The following DPYD variants were observed in gnomAD, a reference collection of about 807,000 sequenced individuals.
DPYD encodes the protein dihydropyrimidine dehydrogenase [NADP(+)].
Under a neutral mutation model 116.2 loss-of-function variants are expected in DPYD, and 109 were observed. That is an observed-to-expected ratio of 0.94 (90% CI 0.80 to 1.10). The LOEUF is 1.10. Among genes scored for constraint, DPYD ranks in the 50% least tolerant of loss-of-function variants. The probability of loss-of-function intolerance (pLI) is 0.00; values close to 1 mark genes in which losing one functional copy is unlikely to be tolerated. For synonymous variants in DPYD, 440 were observed against 432.0 expected, an observed-to-expected ratio of 1.02 and a Z score of -0.23; for missense variants, 1,302 against 1,254.5, an observed-to-expected ratio of 1.04 and a Z score of -0.57.
rs139629400 is a variant in DPYD, at chr1:97,395,819, C to G, written c.1906-13358G>C. ...CTTTTCTGCTTACTCTCTTGAAATC[C>G]TACCAAGACGACAAGCCAGCATAGG... On this transcript the variant is annotated intron_variant, in intron 14 of 22. Coordinates refer to ENST00000370192, the MANE Select transcript of DPYD (RefSeq NM_000110.4). Among the ~76,000 whole-genome samples, 214 of 152,060 alleles carry G rather than the reference C, an allele frequency of 1.4e-3. 1 individual carries two copies. The highest frequency in any genetic ancestry group is 4.8e-3 in the African/African-American group (199 of 41,520).
intron 20 of DPYD, among the ~76,000 whole-genome samples, chr1:97,148,857 T>C (rs1036723594): frequency 7.9e-5 from 12 of 152,202 alleles, no homozygotes; most frequent in African/African-American, 2.9e-4. Context: ...AAGTATATCC[T>C]TTCTTGTATT....
chr1:97,223,033 T>C (rs1473931163), intron 19 of DPYD, among the ~76,000 whole-genome samples: 2 of 152,074 alleles, frequency 1.3e-5, no homozygotes, highest in African/African-American at 2.4e-5. Flanking sequence ...GTCAGTAAAG[T>C]TGAAGCAATG....
intron 3 of DPYD, among the ~76,000 whole-genome samples, chr1:97,795,484 T>C (rs1241894567): frequency 6.6e-6 from 1 of 151,986 alleles, no homozygotes; most frequent in Non-Finnish European, 1.5e-5. Flanking sequence ...ATACATAAAA[T>C]ACGTTTTAAA....
At chr1:97,277,017 T>G (rs11587447) in intron 18 of DPYD, among the ~76,000 whole-genome samples, 43,028 of 152,052 alleles carry the variant, frequency 0.28, 6,160 homozygotes, top group Middle Eastern at 0.32. Context: ...CATGGAATAC[T>G]ATGCAGCCAT....
intron 5 of DPYD, among the ~76,000 whole-genome samples, chr1:97,709,289 T>A (rs1470822918): frequency 6.6e-6 from 1 of 151,958 alleles, no homozygotes; most frequent in Non-Finnish European, 1.5e-5. Context: ...GTAGTAAAAG[T>A]CACCAAGGAA....
intron 18 of DPYD, among the ~76,000 whole-genome samples, chr1:97,290,540 C>T (rs78918326): frequency 6.6e-6 from 1 of 151,572 alleles, no homozygotes; most frequent in African/African-American, 2.4e-5. Flanking sequence ...CGCATATCTA[C>T]AACTATCTGA....
chr1:97,704,095 G>T (rs1661762045), intron 5 of DPYD, among the ~76,000 whole-genome samples: 5 of 152,002 alleles, frequency 3.3e-5, no homozygotes, highest in Admixed American at 3.3e-4. Flanking sequence ...GAAGGCATAA[G>T]TGGCCCTCTA....
chr1:97,482,819 G>T (rs905376262), intron 13 of DPYD, among the ~76,000 whole-genome samples: 5 of 151,940 alleles, frequency 3.3e-5, no homozygotes, highest in Admixed American at 1.3e-4. Context: ...TAAGATTTCA[G>T]CTCTTTTATA....
intron 16 of DPYD, among the ~76,000 whole-genome samples, chr1:97,332,416 G>T (rs992385168): frequency 4.6e-5 from 7 of 152,152 alleles, no homozygotes; most frequent in African/African-American, 1.4e-4. Flanking sequence ...ATATAATAAG[G>T]ATGGTAGTAA....
chr1:97,515,838 A>G lies in DPYD; in HGVS notation c.1628T>C (p.Ile543Thr). 6.2e-7 allele frequency: 1 copy of G among 1,613,024 alleles called. No homozygotes were observed. Among genetic ancestry groups the G allele is most frequent in the Non-Finnish European group, 8.5e-7 (1 of 1,179,308 alleles). The change falls in exon 13 of 23, where the codon ATA becomes ACA. Residue 543 changes from isoleucine to threonine, a missense_variant. Coordinates refer to ENST00000370192, the MANE Select transcript of DPYD (RefSeq NM_000110.4). ...TGCGCTAGCAAGACCAAAAGGATTT[A>G]TAAACTTCAATCCGGCCATTTCTAC... ...ISVEMAGLKF[I>T]NPFGLASATP...
In DPYD at chr1:97,194,566, G is replaced by A. The variant is rs151002801; in HGVS notation, c.2443-1318C>T. ...TGTCACCAGGCTGGAGTGCAGCAGC[G>A]CGATCTCGGCTCACTGTGACCTCCA... On this transcript the variant is annotated intron_variant, in intron 19 of 22. Transcript: ENST00000370192. 1.1e-3 allele frequency among the ~76,000 whole-genome samples: 173 copies of A among 151,950 alleles called. 2 individuals are homozygous for A. The highest frequency in any genetic ancestry group is 3.9e-3 in the African/African-American group (161 of 41,408).
intron 19 of DPYD, among the ~76,000 whole-genome samples, chr1:97,207,315 A>G (rs961782522): frequency 6.6e-6 from 1 of 152,162 alleles, no homozygotes; most frequent in African/African-American, 2.4e-5. Context: ...CACTCATTGC[A>G]TCATTTATAC....
chr1:97,152,891 A>G (rs980716311), intron 20 of DPYD, among the ~76,000 whole-genome samples: 8 of 152,036 alleles, frequency 5.3e-5, no homozygotes, highest in African/African-American at 1.7e-4. Context: ...TCTGTCCTCA[A>G]TTTGAGTGTG....
At chr1:97,446,397 G>C (rs1399992477) in intron 14 of DPYD, among the ~76,000 whole-genome samples, 1 of 152,146 alleles carries the variant, frequency 6.6e-6, no homozygotes, top group African/African-American at 2.4e-5. Context: ...AATATTTAGA[G>C]GCTATTTGTC....
At chr1:97,185,802 C>G (rs1243463280) in intron 20 of DPYD, among the ~76,000 whole-genome samples, 2 of 152,186 alleles carry the variant, frequency 1.3e-5, no homozygotes, top group Non-Finnish European at 1.5e-5. Flanking sequence ...ATGGTGTTTG[C>G]TTCTGGTGGT....
Position 97,795,007 on chromosome 1 carries a change from A to G in DPYD, c.233+33107T>C, listed in dbSNP as rs72734042. On this transcript the variant is annotated intron_variant, in intron 3 of 22. Transcript: ENST00000370192. ...GTTCTAGTATCTTTTTGTAGATCACATTAGATTTTCTTTGTAGAGAACAAA... is the reference window on the plus strand; with the variant it reads ...GTTCTAGTATCTTTTTGTAGATCACGTTAGATTTTCTTTGTAGAGAACAAA... 6.1e-3 allele frequency among the ~76,000 whole-genome samples: 922 copies of G among 152,212 alleles called. 6 individuals carry two copies. Among genetic ancestry groups the G allele is most frequent in the African/African-American group, 0.021 (868 of 41,564 alleles).
intron 20 of DPYD, among the ~76,000 whole-genome samples, chr1:97,110,633 T>G (rs1458068991): frequency 6.6e-6 from 1 of 152,138 alleles, no homozygotes; most frequent in African/African-American, 2.4e-5. Flanking sequence ...TTAATTTACT[T>G]CCCTTCAAAC....
At chr1:97,635,670 A>C (rs1039703850) in intron 8 of DPYD, among the ~76,000 whole-genome samples, 4 of 152,168 alleles carry the variant, frequency 2.6e-5, no homozygotes, top group Non-Finnish European at 5.9e-5. Context: ...TATATTGTAC[A>C]TGTAGAGTGT....
At chr1:97,869,351 A>T (rs1558020490) in intron 2 of DPYD, among the ~76,000 whole-genome samples, 1 of 151,846 alleles carries the variant, frequency 6.6e-6, no homozygotes. Context: ...TGTGATAAAT[A>T]TTCCTATCTT....
Sources: allele counts gnomAD v4.1 joint callset (sites outside exome capture counted in the v4.1 genomes callset), GRCh38; gene constraint gnomAD v4.1.1; transcripts MANE v1.5; gene names NCBI Gene and HGNC (gene_info 2026-07-23, HGNC 2026-07-21).